The following IL1RAPL2 variants were observed in gnomAD, a reference collection of about 807,000 sequenced individuals.
The protein encoded by IL1RAPL2 is interleukin 1 receptor accessory protein like 2, also known as X-linked interleukin-1 receptor accessory protein-like 2.
Under a neutral mutation model 44.1 loss-of-function variants are expected in IL1RAPL2, and 3 were observed. The observed-to-expected ratio is 0.07, with a 90% CI of 0.03 to 0.18. The LOEUF is 0.18. Among genes scored for constraint, IL1RAPL2 ranks in the 10% least tolerant of loss-of-function variants. The pLI is 1.00. For missense variants in IL1RAPL2, 391 were observed against 496.4 expected (o/e 0.79, Z 2.02); for synonymous variants, 181 against 178.8 (o/e 1.01, Z -0.10).
chrX:104,612,463 G>A (rs1170247603), intron 1 of IL1RAPL2, among the ~76,000 whole-genome samples: 3 of 111,460 alleles, frequency 2.7e-5, no homozygotes, highest in African/African-American at 9.8e-5. Context: ...GTTTATTTTT[G>A]TTCACTTTGT....
chrX:104,674,457 A>G (rs1252417506), intron 2 of IL1RAPL2, among the ~76,000 whole-genome samples: 1 of 111,954 alleles, frequency 8.9e-6, no homozygotes, highest in African/African-American at 3.3e-5. Flanking sequence ...CCACTTGATC[A>G]TGGTGGATAA....
At chrX:104,793,573 A>G (rs1932836112) in intron 2 of IL1RAPL2, among the ~76,000 whole-genome samples, 2 of 111,914 alleles carry the variant, frequency 1.8e-5, no homozygotes, top group African/African-American at 3.2e-5. Flanking sequence ...AAGCAAATTA[A>G]TTGCTATTTA....
At position 105,219,278 on chromosome X, in the gene IL1RAPL2, TTGAGTA is replaced by T. The variant is rs782595598; in HGVS notation, c.357-14523_357-14518del. 53 of 1,208,457 alleles carry T rather than the reference TTGAGTA, an allele frequency of 4.4e-5. No individual in the cohort carries two copies. The highest frequency in any genetic ancestry group is 2.3e-4 in the Middle Eastern group (1 of 4,345). ...ATGTCTGAGAAGGAGGAAAAAGGGCTTGAGTATGAGTATGAGTATGAGGCAGGGAGC... is the reference window on the plus strand; with the variant it reads ...ATGTCTGAGAAGGAGGAAAAAGGGCTTGAGTATGAGTATGAGGCAGGGAGC... On this transcript the variant is annotated intron_variant, in intron 3 of 10. Transcript: ENST00000372582.
At chrX:105,481,118 C>T (rs1454207211) in intron 5 of IL1RAPL2, among the ~76,000 whole-genome samples, 1 of 111,660 alleles carries the variant, frequency 9.0e-6, no homozygotes, top group African/African-American at 3.3e-5. Context: ...ACTAGGAACC[C>T]TAGTGTAATT....
At chrX:105,309,148 C>G (rs375975229) in intron 5 of IL1RAPL2, among the ~76,000 whole-genome samples, 1 of 109,848 alleles carries the variant, frequency 9.1e-6, no homozygotes, top group East Asian at 2.9e-4. Flanking sequence ...GATTCTCTTG[C>G]CTCAGCCTCC....
intron 5 of IL1RAPL2, among the ~76,000 whole-genome samples, chrX:105,325,126 G>A (rs756051913): frequency 1.7e-4 from 19 of 111,037 alleles, no homozygotes; most frequent in Non-Finnish European, 3.0e-4. Flanking sequence ...CAAAGTTATG[G>A]AACTGTTATT....
chrX:104,746,251 T>C (rs900043144), intron 2 of IL1RAPL2, among the ~76,000 whole-genome samples: 3 of 111,432 alleles, frequency 2.7e-5, no homozygotes, highest in African/African-American at 9.8e-5. Flanking sequence ...CCACAAATCA[T>C]AGCTAGTCTG....
At chrX:104,598,421 A>G (rs1928810073) in intron 1 of IL1RAPL2, among the ~76,000 whole-genome samples, 1 of 112,222 alleles carries the variant, frequency 8.9e-6, no homozygotes, top group Non-Finnish European at 1.9e-5. Context: ...CCATCTCCAT[A>G]TTCATTGGCC....
At chrX:105,029,096 C>A (rs1399670733) in intron 2 of IL1RAPL2, among the ~76,000 whole-genome samples, 1 of 109,368 alleles carries the variant, frequency 9.1e-6, no homozygotes, top group Non-Finnish European at 1.9e-5. Context: ...TATCATTCAA[C>A]GTCTTTGTTC....
intron 3 of IL1RAPL2, among the ~76,000 whole-genome samples, chrX:105,205,767 G>A (rs1653668369): frequency 1.9e-5 from 2 of 107,495 alleles, no homozygotes; most frequent in South Asian, 4.2e-4. Context: ...TTTTAAATTA[G>A]TAATCAGAGA....
rs749510570 is a variant in IL1RAPL2 at position 105,675,135 on chromosome X, G to A, written c.773-42232G>A. Among the ~76,000 whole-genome samples the A allele has an allele frequency of 5.4e-5, 6 of 110,872 alleles. No homozygotes were observed. The South Asian group carries it at 1.2e-3, about 21-fold the overall frequency. On this transcript the variant is annotated intron_variant, in intron 6 of 10. Coordinates refer to ENST00000372582, the MANE Select transcript of IL1RAPL2 (RefSeq NM_017416.2). Reference sequence around the variant, plus strand: ...AGGACATTTTGATTTCCTCCCTTCCGATTTGAATACCCTTTATTTATTTCT... The same window carrying A: ...AGGACATTTTGATTTCCTCCCTTCCAATTTGAATACCCTTTATTTATTTCT...
intron 2 of IL1RAPL2, among the ~76,000 whole-genome samples, chrX:104,880,201 G>GA (rs1451129056): frequency 9.0e-6 from 1 of 111,155 alleles, no homozygotes; most frequent in African/African-American, 3.3e-5. Context: ...AATTATGAAG[G>GA]AAAAATCTTA....
intron 2 of IL1RAPL2, among the ~76,000 whole-genome samples, chrX:104,898,038 G>A (rs759568201): frequency 1.8e-5 from 2 of 111,964 alleles, no homozygotes; most frequent in South Asian, 3.7e-4. Flanking sequence ...ATAAGCCCCC[G>A]TTCTTGGTCT....
intron 2 of IL1RAPL2, among the ~76,000 whole-genome samples, chrX:104,784,868 GAGA>G (rs1330568898): frequency 9.1e-6 from 1 of 110,128 alleles, no homozygotes; most frequent in Non-Finnish European, 1.9e-5. Context: ...GCAGAGGCAG[GAGA>G]AGAAGTTGTA....
chrX:105,526,378 G>A lies in IL1RAPL2; in HGVS notation c.772+41991G>A, dbSNP rs201133005. Among the ~76,000 whole-genome samples, 7 of 111,644 alleles carry A rather than the reference G, an allele frequency of 6.3e-5. No homozygotes were observed. In the East Asian group the frequency reaches 2.0e-3, roughly 31 times the overall value. On this transcript the variant is annotated intron_variant, in intron 6 of 10. Transcript: ENST00000372582. ...GAACTCAGATTAAAACTCTGCCATT[G>A]AGAAGATCAGACTTGTCAAATTGTT...
rs780143068 is a variant in IL1RAPL2, at chrX:104,875,224, A to G, written c.82+216229A>G. 1.5e-3 allele frequency among the ~76,000 whole-genome samples: 162 copies of G among 111,464 alleles called. 1 individual carries two copies. Among genetic ancestry groups the G allele is most frequent in the African/African-American group, 4.9e-3 (151 of 30,729 alleles). Reference sequence around the variant, plus strand: ...TTTTTGTTTCTTCTTGTGAACTTCTAGGGAAATGTATGGCTTAGAGACACT... The same window carrying G: ...TTTTTGTTTCTTCTTGTGAACTTCTGGGGAAATGTATGGCTTAGAGACACT... On this transcript the variant is annotated intron_variant, in intron 2 of 10. Coordinates refer to ENST00000372582, the MANE Select transcript of IL1RAPL2 (RefSeq NM_017416.2).
intron 2 of IL1RAPL2, among the ~76,000 whole-genome samples, chrX:104,841,173 G>C (rs1248745789): frequency 9.0e-6 from 1 of 111,633 alleles, no homozygotes; most frequent in Admixed American, 9.5e-5. Context: ...ATCTTTGTTG[G>C]TTTAAAGTCT....
chrX:104,842,093 AT>A (rs986337936), intron 2 of IL1RAPL2, among the ~76,000 whole-genome samples: 5 of 104,803 alleles, frequency 4.8e-5, no homozygotes, highest in South Asian at 4.3e-4. Flanking sequence ...ATTCCTTTTC[AT>A]TTTTTTTCTT....
At chrX:105,157,949 A>G (rs970319946) in intron 2 of IL1RAPL2, among the ~76,000 whole-genome samples, 1 of 112,216 alleles carries the variant, frequency 8.9e-6, no homozygotes, top group Non-Finnish European at 1.9e-5. Context: ...CATTGGATTC[A>G]TAGAACCAAC....
Sources: gnomAD v4.1 joint callset for allele counts (sites outside exome capture counted in the v4.1 genomes callset) on GRCh38, gnomAD v4.1.1 for gene constraint, MANE v1.5 for transcripts, NCBI Gene and HGNC (gene_info 2026-07-23, HGNC 2026-07-21) for gene names.